Variants in ERC2 observed in about 807,000 individuals in gnomAD.
ERC2 encodes the protein ERC protein 2.
A neutral mutation model predicts 114.8 loss-of-function variants in ERC2; 42 were observed. The ratio of observed to expected loss-of-function variants is 0.37; its 90% CI spans 0.29 to 0.47. ERC2 has a LOEUF of 0.47. Among genes scored for constraint, ERC2 ranks in the 20% least tolerant of loss-of-function variants. The probability of loss-of-function intolerance (pLI) is 0.99; values close to 1 mark genes in which losing one functional copy is unlikely to be tolerated. For missense variants in ERC2, 939 were observed against 1,150.7 expected (o/e 0.82, Z 2.66); for synonymous variants, 454 against 425.5 (o/e 1.07, Z -0.82).
intron 1 of ERC2, among the ~76,000 whole-genome samples, chr3:56,450,674 A>G (rs2107515037): frequency 6.6e-6 from 1 of 152,220 alleles, no homozygotes; most frequent in East Asian, 1.9e-4. Flanking sequence ...AAAAAATTCA[A>G]AAATAAATTA....
At chr3:55,913,340 T>C (rs2064919473) in intron 13 of ERC2, among the ~76,000 whole-genome samples, 1 of 152,212 alleles carries the variant, frequency 6.6e-6, no homozygotes, top group Admixed American at 6.5e-5. Flanking sequence ...TTTTAATTTA[T>C]AAATAAGAGT....
chr3:55,826,729 A>G (rs1330845386), intron 14 of ERC2, among the ~76,000 whole-genome samples: 1 of 152,172 alleles, frequency 6.6e-6, no homozygotes, highest in Non-Finnish European at 1.5e-5. Context: ...TTTCTCCTCC[A>G]TATTCATTCG....
intron 16 of ERC2, among the ~76,000 whole-genome samples, chr3:55,686,404 C>T (rs547270821): frequency 1.9e-3 from 294 of 152,276 alleles, no homozygotes; most frequent in African/African-American, 6.6e-3. Flanking sequence ...TCTCTCTAAC[C>T]TTCAAAGCTT....
chr3:56,353,807 A>AATATATAT (rs35237655), intron 2 of ERC2, among the ~76,000 whole-genome samples: 17 of 147,880 alleles, frequency 1.1e-4, no homozygotes, highest in African/African-American at 3.7e-4. Context: ...CGTATAATAA[A>AATATATAT]ATATATATAT....
At chr3:55,632,874 C>T (rs2148631298) in intron 17 of ERC2, among the ~76,000 whole-genome samples, 1 of 152,310 alleles carries the variant, frequency 6.6e-6, no homozygotes, top group Admixed American at 6.5e-5. Flanking sequence ...CTAGCTGTTT[C>T]TGAGAGGCTA....
chr3:55,892,235 T>C (rs2063644562), intron 13 of ERC2, among the ~76,000 whole-genome samples: 1 of 152,228 alleles, frequency 6.6e-6, no homozygotes, highest in African/African-American at 2.4e-5. Context: ...CCAGGGACAG[T>C]GGCTCACACC....
chr3:55,822,774 C>A (rs1373300702), intron 14 of ERC2, among the ~76,000 whole-genome samples: 1 of 152,068 alleles, frequency 6.6e-6, no homozygotes, highest in East Asian at 1.9e-4. Context: ...CCACTATGCC[C>A]GGCTAATTTT....
At chr3:55,906,101 G>T (rs2064418872) in intron 13 of ERC2, among the ~76,000 whole-genome samples, 1 of 152,112 alleles carries the variant, frequency 6.6e-6, no homozygotes, top group African/African-American at 2.4e-5. Context: ...GCACATGGCT[G>T]ACACTTAGTA....
At chr3:56,088,544 G>A (rs1053962101) in intron 6 of ERC2, among the ~76,000 whole-genome samples, 7 of 152,022 alleles carry the variant, frequency 4.6e-5, no homozygotes, top group African/African-American at 1.7e-4. Context: ...AGACACGGGG[G>A]TTAAAGATCA....
chr3:56,209,680 T>C (rs911521876), intron 3 of ERC2, among the ~76,000 whole-genome samples: 1 of 152,108 alleles, frequency 6.6e-6, no homozygotes, highest in African/African-American at 2.4e-5. Flanking sequence ...AAAACAAGGG[T>C]CTGTCTGGGG....
At chr3:56,040,745 G>T (rs139067167) in intron 7 of ERC2, among the ~76,000 whole-genome samples, 65 of 138,260 alleles carry the variant, frequency 4.7e-4, no homozygotes, top group Admixed American at 2.1e-3. Context: ...TATATATATA[G>T]AGAGAGATAT....
intron 8 of ERC2, 148 bp from the exon 9 acceptor site, chr3:56,010,737 G>A (rs1475934387): frequency 6.7e-6 from 6 of 892,588 alleles, no homozygotes; most frequent in African/African-American, 3.3e-5. Context: ...GATTCGTGGG[G>A]AGGCTGTGCA....
intron 13 of ERC2, among the ~76,000 whole-genome samples, chr3:55,931,237 C>G (rs1015100065): frequency 3.9e-5 from 6 of 152,186 alleles, no homozygotes; most frequent in Admixed American, 3.9e-4. Flanking sequence ...TTTGACCCAG[C>G]AATCCCATTA....
At chr3:55,999,005 G>C (rs1169520066) in intron 10 of ERC2, among the ~76,000 whole-genome samples, 3 of 151,676 alleles carry the variant, frequency 2.0e-5, no homozygotes, top group African/African-American at 7.3e-5. Flanking sequence ...TTAGCAACAA[G>C]GGTATTATAT....
intron 14 of ERC2, among the ~76,000 whole-genome samples, chr3:55,837,071 G>C (rs1462706184): frequency 6.6e-6 from 1 of 152,172 alleles, no homozygotes; most frequent in African/African-American, 2.4e-5. Flanking sequence ...TCTCACACCA[G>C]TTAGAATGGC....
At position 56,334,193 on chromosome 3, in the gene ERC2, A is replaced by C. The variant is rs189483046; in HGVS notation, c.658-37758T>G. On this transcript the variant is annotated intron_variant, in intron 2 of 17. Transcript: ENST00000288221. ...CAAATCCCTTGGATGCCAAGGTACA[A>C]GAAGGTGCCTGGAGCATCTGGGGGC... 7.9e-5 allele frequency among the ~76,000 whole-genome samples: 12 copies of C among 152,340 alleles called. No individual in the cohort carries two copies. In the East Asian group the frequency reaches 2.3e-3, roughly 29 times the overall value.
chr3:56,254,154 T>A (rs979800501), intron 3 of ERC2, among the ~76,000 whole-genome samples: 1 of 152,242 alleles, frequency 6.6e-6, no homozygotes, highest in Non-Finnish European at 1.5e-5. Flanking sequence ...GTAATTGCTT[T>A]ATGTCGTCCC....
At chr3:56,409,088 G>C (rs961938366) in intron 2 of ERC2, among the ~76,000 whole-genome samples, 17 of 152,170 alleles carry the variant, frequency 1.1e-4, no homozygotes, top group Non-Finnish European at 1.0e-4. Flanking sequence ...TGCGGCTCCC[G>C]TGAGGCACCA....
intron 14 of ERC2, among the ~76,000 whole-genome samples, chr3:55,781,396 C>A (rs2069029052): frequency 6.6e-6 from 1 of 152,140 alleles, no homozygotes; most frequent in South Asian, 2.1e-4. Flanking sequence ...AGAAAACCTT[C>A]CTGGACTTCT....
Sources: gnomAD v4.1 joint callset for allele counts (sites outside exome capture counted in the v4.1 genomes callset) on GRCh38, gnomAD v4.1.1 for gene constraint, MANE v1.5 for transcripts, NCBI Gene and HGNC (gene_info 2026-07-23, HGNC 2026-07-21) for gene names.